Variants in ABHD6 observed in about 807,000 individuals in gnomAD.
ABHD6 encodes monoacylglycerol lipase ABHD6.
ABHD6 carries 33 observed loss-of-function variants against 38.8 expected under a neutral mutation model. The ratio of observed to expected loss-of-function variants is 0.85; its 90% confidence interval spans 0.64 to 1.14. ABHD6 has a LOEUF of 1.14. Ranked by LOEUF, ABHD6 falls within the 50% of genes most tolerant of loss-of-function variation. ABHD6 has a pLI of 0.00. For missense variants in ABHD6, 380 were observed against 422.6 expected, an observed-to-expected ratio of 0.90 and a Z score of 0.88; for synonymous variants, 147 against 161.6, an observed-to-expected ratio of 0.91 and a Z score of 0.69.
rs557595139 is a variant in ABHD6, at chr3:58,259,992, C to T, written c.119+3287C>T. 1.3e-5 allele frequency among the ~76,000 whole-genome samples: 2 copies of T among 152,252 alleles called. No individual in the cohort carries two copies. Among genetic ancestry groups the T allele is most frequent in the South Asian group, 4.1e-4 (2 of 4,822 alleles). On this transcript the variant is annotated intron_variant, in intron 3 of 9. Transcript: ENST00000478253. This position sits in a 1 kb window ranked among gnomAD's most constrained non-coding sequence, Gnocchi z 4.7. ...CACTTAGCATAATGTTTTCAAGGTT[C>T]GTCCATGTTGTAGCATGCATCACTC...
At chr3:58,253,120 G>T (rs1385485509) in intron 2 of ABHD6, among the ~76,000 whole-genome samples, 1 of 151,786 alleles carries the variant, frequency 6.6e-6, no homozygotes, top group Non-Finnish European at 1.5e-5. Flanking sequence ...TGCGACCTTC[G>T]CTGAAACTGA....
rs1559787724 is a variant in ABHD6, at chr3:58,294,704, TG to T, written c.*940del. The T allele has an allele frequency of 1.3e-5, 2 of 152,640 alleles. No homozygotes were observed. Among genetic ancestry groups the T allele is most frequent in the Non-Finnish European group, 2.9e-5 (2 of 68,044 alleles). 9.5% of individuals were successfully genotyped at this position (152,640 alleles called of 1,614,324 possible). On this transcript the variant is annotated 3_prime_UTR_variant, in exon 10 of 10. Coordinates refer to ENST00000478253, the MANE Select transcript of ABHD6 (RefSeq NM_001320126.2). ...AGCTGTAAAAGTGACCACAATGACA[TG>T]AAATAAATTTAATAAGTCTAGATCA...
chr3:58,279,047 T>G (rs962205881), intron 7 of ABHD6, among the ~76,000 whole-genome samples: 5 of 152,160 alleles, frequency 3.3e-5, no homozygotes, highest in Admixed American at 6.6e-5. Flanking sequence ...AGAATAAGTG[T>G]GATGTGGTGC....
chr3:58,271,002 C>T lies in ABHD6; in HGVS notation c.461C>T (p.Ala154Val). The T allele has an allele frequency of 6.2e-7, 1 of 1,613,202 alleles. No homozygotes were observed. Among genetic ancestry groups the T allele is most frequent in the South Asian group, 1.1e-5 (1 of 90,958 alleles). The part of the protein sequence containing the change: ...LVGTSMGGQV[A>V]GVYAAYYPSD... ...GGCACCTCCATGGGTGGCCAGGTGG[C>T]TGGGGTGTATGCTGCTTACTACCCA... Residue 154 changes from alanine (A) to valine (V), a missense_variant, in exon 6 of 10, where the codon GCT (alanine) becomes GTT (valine). Physicochemically the swap from Ala to Val is moderately conservative, Grantham distance 64. Coordinates refer to ENST00000478253, the MANE Select transcript of ABHD6 (RefSeq NM_001320126.2).
At chr3:58,268,176 T>C (rs1318989379) in intron 4 of ABHD6, among the ~76,000 whole-genome samples, 2 of 152,154 alleles carry the variant, frequency 1.3e-5, no homozygotes, top group Non-Finnish European at 2.9e-5. Context: ...TTAGAAATCT[T>C]TTTACCTCAT....
At position 58,269,570 on chromosome 3, in the gene ABHD6, A is replaced by G; in HGVS notation, c.390+136A>G. 1 of 656,904 alleles carries G rather than the reference A, an allele frequency of 1.5e-6. No homozygotes were observed. Among genetic ancestry groups the G allele is most frequent in the Non-Finnish European group, 2.6e-6 (1 of 377,416 alleles). 40.7% of individuals were successfully genotyped at this position (656,904 alleles called of 1,614,324 possible). A position where few individuals can be genotyped will look rare whatever the true frequency, so the allele number is the denominator to read the frequency against. Reference sequence around the variant, plus strand: ...GTACATTCTGTCTACAAGTGATGGCAAGCCAAATGGCAACCTGATGATATC... The same window carrying G: ...GTACATTCTGTCTACAAGTGATGGCGAGCCAAATGGCAACCTGATGATATC... On this transcript the variant is annotated intron_variant, in intron 5 of 9. Coordinates refer to ENST00000478253, the MANE Select transcript of ABHD6 (RefSeq NM_001320126.2). The surrounding 1 kb of genome is among the most constrained non-coding windows in gnomAD (Gnocchi z 4.4).
chr3:58,265,881 T>C lies in ABHD6; in HGVS notation c.120-1308T>C, dbSNP rs1488814013. On this transcript the variant is annotated intron_variant, in intron 3 of 9. Coordinates refer to ENST00000478253, the MANE Select transcript of ABHD6 (RefSeq NM_001320126.2). The surrounding 1 kb of genome is among the most constrained non-coding windows in gnomAD (Gnocchi z 4.2). Reference sequence around the variant, plus strand: ...GAATCTACTCCCTCAATAATAGCATTAATCTATTTATGAAGGCAAAACTGT... The same window carrying C: ...GAATCTACTCCCTCAATAATAGCATCAATCTATTTATGAAGGCAAAACTGT... 6.6e-6 allele frequency among the ~76,000 whole-genome samples: 1 copy of C among 152,200 alleles called. No homozygotes were observed. The highest frequency in any genetic ancestry group is 2.4e-5 in the African/African-American group (1 of 41,454).
chr3:58,264,397 A>G (rs879535707), intron 3 of ABHD6, among the ~76,000 whole-genome samples: 15,746 of 47,030 alleles, frequency 0.33, 1,510 homozygotes, highest in East Asian at 0.59. Context: ...GCACACACAC[A>G]CACACACACA....
chr3:58,244,670 G>A (rs1028889561), intron 1 of ABHD6, among the ~76,000 whole-genome samples: 1 of 151,924 alleles, frequency 6.6e-6, no homozygotes, highest in African/African-American at 2.4e-5. Context: ...AGGCTGAGGT[G>A]GAAGGATCAC....
chr3:58,292,780 G>A lies in ABHD6; in HGVS notation c.838-809G>A, dbSNP rs565246383. On this transcript the variant is annotated intron_variant, in intron 9 of 9. Transcript: ENST00000478253. ...AGAAATACAAAAATTAGCTGGGCAT[G>A]GTGGCGGGCACCTATAATCCCAGCT... Among the ~76,000 whole-genome samples, 5 of 152,252 alleles carry A rather than the reference G, an allele frequency of 3.3e-5. 1 individual carries two copies. The South Asian group carries it at 1.0e-3, about 32-fold the overall frequency.
In ABHD6 at chr3:58,257,280, G is replaced by T. The variant is rs1412660634; in HGVS notation, c.119+575G>T. Among the ~76,000 whole-genome samples the T allele has an allele frequency of 2.0e-5, 3 of 152,000 alleles. No homozygotes were observed. Among genetic ancestry groups the T allele is most frequent in the East Asian group, 3.8e-4 (2 of 5,196 alleles). On this transcript the variant is annotated intron_variant, in intron 3 of 9. Coordinates refer to ENST00000478253, the MANE Select transcript of ABHD6 (RefSeq NM_001320126.2). This position sits in a 1 kb window ranked among gnomAD's most constrained non-coding sequence, Gnocchi z 4.8. ...GTGATTCTGTCTTCAAGCAAGAATTGTACATTTTTATGGGAACTCCTTTGG... is the reference window on the plus strand; with the variant it reads ...GTGATTCTGTCTTCAAGCAAGAATTTTACATTTTTATGGGAACTCCTTTGG...
chr3:58,288,746 C>T (rs2097459328), intron 9 of ABHD6, among the ~76,000 whole-genome samples: 1 of 152,174 alleles, frequency 6.6e-6, no homozygotes, highest in African/African-American at 2.4e-5. Context: ...AGCAATTTAT[C>T]GTCTACCTAC....
rs1222945424 is a variant in ABHD6, at chr3:58,267,935, T to C, written c.276+590T>C. ...TCTCTACAAAAAAATTAGCCAGGCA[T>C]GGTGGCATGCACCTGTAGTCCCAGC... is the stretch of plus-strand genomic sequence containing the variant. On this transcript the variant is annotated intron_variant, in intron 4 of 9. Coordinates refer to ENST00000478253, the MANE Select transcript of ABHD6 (RefSeq NM_001320126.2). The surrounding 1 kb of genome is among the most constrained non-coding windows in gnomAD (Gnocchi z 4.3). 6.6e-6 allele frequency among the ~76,000 whole-genome samples: 1 copy of C among 152,108 alleles called. No individual in the cohort carries two copies. Among genetic ancestry groups the C allele is most frequent in the Non-Finnish European group, 1.5e-5 (1 of 68,016 alleles).
intron 7 of ABHD6, among the ~76,000 whole-genome samples, chr3:58,279,098 A>C (rs1050896224): frequency 2.6e-5 from 4 of 152,106 alleles, no homozygotes; most frequent in African/African-American, 4.8e-5. Context: ...GTGGAGAGTT[A>C]TGTAGATGTC....
At position 58,267,184 on chromosome 3, in the gene ABHD6, T is replaced by C. The variant is rs753872254; in HGVS notation, c.120-5T>C. 1.9e-6 allele frequency: 3 copies of C among 1,613,718 alleles called. No individual in the cohort carries two copies. Among genetic ancestry groups the C allele is most frequent in the Non-Finnish European group, 2.5e-6 (3 of 1,179,772 alleles). ...CGTTTTGTCTTTATTTCTCACCCCT[T>C]CCAGGTACTGGCGGAGGACATTGGG... On this transcript the variant is annotated splice_polypyrimidine_tract_variant and splice_region_variant and intron_variant, in intron 3 of 9. Coordinates refer to ENST00000478253, the MANE Select transcript of ABHD6 (RefSeq NM_001320126.2). This position sits in a 1 kb window ranked among gnomAD's most constrained non-coding sequence, Gnocchi z 4.3.
At position 58,285,190 on chromosome 3, in the gene ABHD6, G is replaced by A. The variant is rs769669585; in HGVS notation, c.736+51G>A. On this transcript the variant is annotated intron_variant, in intron 8 of 9. Transcript: ENST00000478253. The surrounding 1 kb of genome is among the most constrained non-coding windows in gnomAD (Gnocchi z 4.9). The stretch of plus-strand genomic sequence containing the variant: ...AGCTTGTTACAAGTGAAGCTCTGTG[G>A]ATGGATGGCTTTTATTTCTTAAATC... The A allele has an allele frequency of 2.5e-6, 4 of 1,582,646 alleles. No individual in the cohort carries two copies. The highest frequency in any genetic ancestry group is 3.5e-6 in the Non-Finnish European group (4 of 1,151,436).
rs1274615312 is a variant in ABHD6 at position 58,259,863 on chromosome 3, T to TG, written c.119+3158_119+3159insG. On this transcript the variant is annotated intron_variant, in intron 3 of 9. Transcript: ENST00000478253. The surrounding 1 kb of genome is among the most constrained non-coding windows in gnomAD (Gnocchi z 4.7). ...ATCCCAGTTTCTCCCTCACTTCATCTTCTGGCAACCACTCATCTACTTCCT... is the reference window on the plus strand; with the variant it reads ...ATCCCAGTTTCTCCCTCACTTCATCTGTCTGGCAACCACTCATCTACTTCCT... Among the ~76,000 whole-genome samples the TG allele has an allele frequency of 3.9e-5, 6 of 152,236 alleles. No homozygotes were observed. The highest frequency in any genetic ancestry group is 1.4e-4 in the African/African-American group (6 of 41,468).
At chr3:58,286,121 G>A (rs9827052) in intron 9 of ABHD6, among the ~76,000 whole-genome samples, 116,438 of 151,588 alleles carry the variant, frequency 0.77, 45,243 homozygotes, top group East Asian at 1. Flanking sequence ...CTGGGTTCAC[G>A]CCATTCTCCT....
At chr3:58,286,844 G>GCATATATATATATA (rs1424175632) in intron 9 of ABHD6, among the ~76,000 whole-genome samples, 24 of 50,042 alleles carry the variant, frequency 4.8e-4, no homozygotes, top group Non-Finnish European at 7.1e-4. Context: ...GTGTGTGTGT[G>GCATATATATATATA]TGTGTGTGTA....
Sources: gnomAD v4.1 joint callset for allele counts (sites outside exome capture counted in the v4.1 genomes callset) on GRCh38, gnomAD v4.1.1 for gene constraint, Gnocchi (gnomAD v3.1) non-coding constraint, MANE v1.5 for transcripts, NCBI Gene and HGNC (gene_info 2026-07-23, HGNC 2026-07-21) for gene names.